The following PLCG1 variants were observed in gnomAD, a reference collection of about 807,000 sequenced individuals.
PLCG1 encodes the protein phospholipase C gamma 1.
In PLCG1, 71 loss-of-function variants were observed where a neutral mutation model predicts 177.8. The ratio of observed to expected loss-of-function variants is 0.40; its 90% CI spans 0.33 to 0.49. The LOEUF is 0.49. Among genes scored for constraint, PLCG1 ranks in the 20% least tolerant of loss-of-function variants. The pLI is 0.72. For missense variants in PLCG1, 1,281 were observed against 1,709.0 expected (o/e 0.75, Z 4.42); for synonymous variants, 658 against 647.9 (o/e 1.02, Z -0.24).
rs888886308 is a variant in PLCG1 at position 41,157,099 on chromosome 20, C to A, written c.218-2507C>A. ...ACAGGAACTTGGGAGCATTGGATGC[C>A]TGGCGTGGAGCTGCGCTATGCTTAC... is the stretch of plus-strand genomic sequence containing the variant. On this transcript the variant is annotated intron_variant, in intron 1 of 31. Coordinates refer to ENST00000685551, the MANE Select transcript of PLCG1 (RefSeq NM_002660.3). The surrounding 1 kb of genome is among the most constrained non-coding windows in gnomAD (Gnocchi z 5.4). Among the ~76,000 whole-genome samples the A allele has an allele frequency of 6.6e-6, 1 of 152,198 alleles. No individual in the cohort carries two copies. The highest frequency in any genetic ancestry group is 1.5e-5 in the Non-Finnish European group (1 of 68,028).
intron 1 of PLCG1, among the ~76,000 whole-genome samples, chr20:41,141,994 GTAT>G: frequency 6.6e-6 from 1 of 152,320 alleles, no homozygotes; most frequent in Middle Eastern, 3.4e-3. Context: ...TTTGCAATAA[GTAT>G]TATTATACCT....
At position 41,156,734 on chromosome 20, in the gene PLCG1, C is replaced by A. The variant is rs1364941956; in HGVS notation, c.218-2872C>A. On this transcript the variant is annotated intron_variant, in intron 1 of 31. Coordinates refer to ENST00000685551, the MANE Select transcript of PLCG1 (RefSeq NM_002660.3). The surrounding 1 kb of genome is among the most constrained non-coding windows in gnomAD (Gnocchi z 5.0). ...TAAGTAGTTCTCCCCTTCTCAAGCT[C>A]CTAAGTTCTGGGAAGGTCTCTTTTC... 6.6e-6 allele frequency among the ~76,000 whole-genome samples: 1 copy of A among 152,168 alleles called. No homozygotes were observed. The highest frequency in any genetic ancestry group is 1.5e-5 in the Non-Finnish European group (1 of 68,028).
At position 41,166,249 on chromosome 20, in the gene PLCG1, C is replaced by T. The variant is rs771177831; in HGVS notation, c.1855C>T (p.Pro619Ser). 6.2e-7 allele frequency: 1 copy of T among 1,614,142 alleles called. No homozygotes were observed. Among genetic ancestry groups the T allele is most frequent in the Non-Finnish European group, 8.5e-7 (1 of 1,180,036 alleles). The part of the protein sequence containing the change: ...RIHSRQDAGT[P>S]KFFLTDNLVF... The stretch of plus-strand genomic sequence containing the variant: ...CCACTCCCGGCAAGATGCTGGGACC[C>T]CCAAGTTCTTCTTGACAGACAACCT... Residue 619 changes from proline to serine, a missense_variant, in exon 17 of 32, where the codon CCC (proline) becomes TCC (serine). Pro to Ser is a moderately conservative substitution (Grantham distance 74, BLOSUM62 -1). Coordinates refer to ENST00000685551, the MANE Select transcript of PLCG1 (RefSeq NM_002660.3). This position sits in a 1 kb window ranked among gnomAD's most constrained non-coding sequence, Gnocchi z 8.6.
Position 41,166,723 on chromosome 20 carries a change from A to G in PLCG1, c.2165A>G (p.Gln722Arg), listed in dbSNP as rs751804006. Residue 722 changes from glutamine to arginine, a missense_variant, in exon 19 of 32, where the codon CAG becomes CGG. By Grantham distance (43) the Gln-to-Arg change is conservative. Transcript: ENST00000685551. This position sits in a 1 kb window ranked among gnomAD's most constrained non-coding sequence, Gnocchi z 8.6. ...IKHCRVQQEGQTVMLGNSEFD... is the reference protein window; with the variant it reads ...IKHCRVQQEGRTVMLGNSEFD... ...CATTGCCGTGTCCAGCAAGAGGGCC[A>G]GACAGTGATGCTAGGGAACTCGGAG... is the stretch of plus-strand genomic sequence containing the variant. 6.2e-7 allele frequency: 1 copy of G among 1,614,198 alleles called. No individual in the cohort carries two copies. Among genetic ancestry groups the G allele is most frequent in the Admixed American group, 1.7e-5 (1 of 60,026 alleles).
intron 24 of PLCG1, among the ~76,000 whole-genome samples, chr20:41,171,781 CCTGT>C (rs2035908728): frequency 6.6e-6 from 1 of 152,044 alleles, no homozygotes; most frequent in African/African-American, 2.4e-5. Context: ...AAGCCAGGGG[CCTGT>C]ATCCCCAGTG....
chr20:41,155,715 A>T (rs1042657376), intron 1 of PLCG1, among the ~76,000 whole-genome samples: 1 of 152,106 alleles, frequency 6.6e-6, no homozygotes, highest in Non-Finnish European at 1.5e-5. Flanking sequence ...ATTTGTCTCC[A>T]CTACTGCCAG....
intron 1 of PLCG1, among the ~76,000 whole-genome samples, chr20:41,138,260 A>G (rs2034678507): frequency 6.6e-6 from 1 of 151,596 alleles, no homozygotes; most frequent in African/African-American, 2.4e-5. Flanking sequence ...GTCCCCGCCC[A>G]CTCTTTATCC....
At position 41,164,130 on chromosome 20, in the gene PLCG1, C is replaced by T; in HGVS notation, c.1146C>T (p.His382=). The T allele has an allele frequency of 6.2e-7, 1 of 1,614,122 alleles. No homozygotes were observed. Among genetic ancestry groups the T allele is most frequent in the Non-Finnish European group, 8.5e-7 (1 of 1,180,006 alleles). Residue 382 remains histidine, a synonymous_variant, in exon 12 of 32, where the codon CAC becomes CAT. Coordinates refer to ENST00000685551, the MANE Select transcript of PLCG1 (RefSeq NM_002660.3). This position sits in a 1 kb window ranked among gnomAD's most constrained non-coding sequence, Gnocchi z 6.4. ...GGATGCCAGTTATTTACCATGGGCA[C>T]ACCCTTACCACCAAGATCAAGTTCT... The part of the protein sequence containing the change: ...PDGMPVIYHG[H]TLTTKIKFSD...
rs560952244 is a variant in PLCG1 at position 41,170,154 on chromosome 20, C to A, written c.2693C>A (p.Ser898Tyr). Reference protein sequence around the residue: ...EGKNNRLFVFSISMASVAHWS... With the variant: ...EGKNNRLFVFYISMASVAHWS... Reference sequence around the variant, plus strand: ...AAGAACAACCGGCTCTTCGTCTTCTCCATCAGCATGGCGTCGGTGGCCCAC... The same window carrying A: ...AAGAACAACCGGCTCTTCGTCTTCTACATCAGCATGGCGTCGGTGGCCCAC... Residue 898 changes from serine to tyrosine, a missense_variant, in exon 24 of 32, where the codon TCC becomes TAC. Ser to Tyr is a moderately radical substitution (Grantham distance 144). Coordinates refer to ENST00000685551, the MANE Select transcript of PLCG1 (RefSeq NM_002660.3). 1.2e-6 allele frequency: 2 copies of A among 1,614,008 alleles called. No individual in the cohort carries two copies. The highest frequency in any genetic ancestry group is 2.7e-5 in the African/African-American group (2 of 75,048).
At position 41,172,246 on chromosome 20, in the gene PLCG1, T is replaced by C. The variant is rs1201271640; in HGVS notation, c.2862T>C (p.Ser954=). ...ERRKKIALEL[S]ELVVYCRPVP... ...GGAAGAAGATTGCCCTGGAGCTCTC[T>C]GAACTTGTCGTCTACTGCCGGCCTG... Residue 954 remains serine, a synonymous_variant, in exon 25 of 32, where the codon TCT becomes TCC. Transcript: ENST00000685551. This position sits in a 1 kb window ranked among gnomAD's most constrained non-coding sequence, Gnocchi z 7.0. 6.8e-6 allele frequency: 11 copies of C among 1,614,048 alleles called. No individual in the cohort carries two copies. In the East Asian group the frequency reaches 2.5e-4, roughly 36 times the overall value.
In PLCG1 at chr20:41,144,527, G is replaced by A. The variant is rs2034936813; in HGVS notation, c.217+6669G>A. Among the ~76,000 whole-genome samples the A allele has an allele frequency of 6.6e-6, 1 of 152,154 alleles. No individual in the cohort carries two copies. Among genetic ancestry groups the A allele is most frequent in the Admixed American group, 6.5e-5 (1 of 15,280 alleles). ...CCCACACTCCTACATGGGGGTGAATGTAGCCGCTGATTGGGGGTGGGACAC... is the reference window on the plus strand; with the variant it reads ...CCCACACTCCTACATGGGGGTGAATATAGCCGCTGATTGGGGGTGGGACAC... On this transcript the variant is annotated intron_variant, in intron 1 of 31. Coordinates refer to ENST00000685551, the MANE Select transcript of PLCG1 (RefSeq NM_002660.3). This position sits in a 1 kb window ranked among gnomAD's most constrained non-coding sequence, Gnocchi z 4.1.
At chr20:41,140,340 G>C (rs2034781289) in intron 1 of PLCG1, among the ~76,000 whole-genome samples, 2 of 152,332 alleles carry the variant, frequency 1.3e-5, no homozygotes, top group East Asian at 3.9e-4. Flanking sequence ...GGCTCTCCTT[G>C]TTGGTGGGTT....
chr20:41,142,965 C>T (rs1411888510), intron 1 of PLCG1, among the ~76,000 whole-genome samples: 1 of 152,154 alleles, frequency 6.6e-6, no homozygotes, highest in Non-Finnish European at 1.5e-5. Context: ...GGCCACCAAG[C>T]CCTTTGATTC....
rs759335016 is a variant in PLCG1, at chr20:41,173,950, A to C, written c.3584A>C (p.Asn1195Thr). The part of the protein sequence containing the change: ...TGYRAVPLKN[N>T]YSEDLELASL... The stretch of plus-strand genomic sequence containing the variant: ...TACAGAGCAGTGCCTTTGAAGAACA[A>C]CTACAGTGAGGACCTGGAGTTGGCC... The change falls in exon 30 of 32, where the codon AAC becomes ACC. Residue 1195 changes from asparagine (N) to threonine (T), a missense_variant. Asn to Thr is a moderately conservative substitution (Grantham distance 65). This residue lies in a region of PLCG1 where 153 missense variants were observed against 153.2 expected (regional missense o/e 1.00). Transcript: ENST00000685551. This position sits in a 1 kb window ranked among gnomAD's most constrained non-coding sequence, Gnocchi z 6.2. The C allele has an allele frequency of 1.2e-6, 2 of 1,614,136 alleles. No individual in the cohort carries two copies. Among genetic ancestry groups the C allele is most frequent in the Admixed American group, 3.3e-5 (2 of 60,030 alleles).
intron 1 of PLCG1, among the ~76,000 whole-genome samples, chr20:41,140,540 A>C (rs908233591): frequency 1.3e-5 from 2 of 152,224 alleles, no homozygotes; most frequent in Non-Finnish European, 1.5e-5. Flanking sequence ...AGGGAGAGAC[A>C]GTGTGGTTTA....
In PLCG1 at chr20:41,163,226, G is replaced by A. The variant is rs1377562374; in HGVS notation, c.740G>A (p.Cys247Tyr). 1 of 1,547,892 alleles carries A rather than the reference G, an allele frequency of 6.5e-7. No homozygotes were observed. The highest frequency in any genetic ancestry group is 8.7e-7 in the Non-Finnish European group (1 of 1,149,592). ...AGGGCTGGGGAGCGGCCGGAGCTTT[G>A]CCGAGTGTCCCTTCCTGAGTTCCAG... Reference protein sequence around the residue: ...TLRAGERPELCRVSLPEFQQF... With the variant: ...TLRAGERPELYRVSLPEFQQF... The change falls in exon 8 of 32, where the codon TGC becomes TAC. Residue 247 changes from cysteine to tyrosine, a missense_variant. By Grantham distance (194) the Cys-to-Tyr change is radical. Coordinates refer to ENST00000685551, the MANE Select transcript of PLCG1 (RefSeq NM_002660.3). The surrounding 1 kb of genome is among the most constrained non-coding windows in gnomAD (Gnocchi z 5.2).
chr20:41,165,035 G>A lies in PLCG1; in HGVS notation c.1320G>A (p.Lys440=), dbSNP rs144474151. Residue 440 remains lysine (K), a synonymous_variant, in exon 13 of 32, where the codon AAG becomes AAA. Transcript: ENST00000685551. The surrounding 1 kb of genome is among the most constrained non-coding windows in gnomAD (Gnocchi z 6.6). Reference sequence around the variant, plus strand: ...TGCTGGGGGACACACTCCTCACCAAGCCCGTGGAGATCTCTGCCGACGGGC... The same window carrying A: ...TGCTGGGGGACACACTCCTCACCAAACCCGTGGAGATCTCTGCCGACGGGC... ...KKVLGDTLLT[K]PVEISADGLP... is the part of the protein sequence containing the mutation. 7.4e-6 allele frequency: 12 copies of A among 1,614,202 alleles called. No homozygotes were observed. The highest frequency in any genetic ancestry group is 8.5e-6 in the Non-Finnish European group (10 of 1,180,046).
Position 41,172,485 on chromosome 20 carries a change from A to G in PLCG1, c.2970A>G (p.Lys990=), listed in dbSNP as rs755608533. The part of the protein sequence containing the change: ...MSSFPETKAE[K]YVNKAKGKKF... ...CCTTCCCGGAAACCAAGGCTGAGAAATACGTGAACAAGGCCAAAGGCAAGA... is the reference window on the plus strand; with the variant it reads ...CCTTCCCGGAAACCAAGGCTGAGAAGTACGTGAACAAGGCCAAAGGCAAGA... Residue 990 remains lysine (K), a synonymous_variant, in exon 26 of 32, where the codon AAA becomes AAG. Coordinates refer to ENST00000685551, the MANE Select transcript of PLCG1 (RefSeq NM_002660.3). This position sits in a 1 kb window ranked among gnomAD's most constrained non-coding sequence, Gnocchi z 7.0. The G allele has an allele frequency of 1.2e-6, 2 of 1,614,220 alleles. No homozygotes were observed. The highest frequency in any genetic ancestry group is 1.7e-6 in the Non-Finnish European group (2 of 1,180,024).
At position 41,148,347 on chromosome 20, in the gene PLCG1, G is replaced by A. The variant is rs375485071; in HGVS notation, c.217+10489G>A. Among the ~76,000 whole-genome samples the A allele has an allele frequency of 5.0e-4, 76 of 152,266 alleles. 1 individual carries two copies. The highest frequency in any genetic ancestry group is 4.8e-3 in the East Asian group (25 of 5,188). On this transcript the variant is annotated intron_variant, in intron 1 of 31. Coordinates refer to ENST00000685551, the MANE Select transcript of PLCG1 (RefSeq NM_002660.3). This position sits in a 1 kb window ranked among gnomAD's most constrained non-coding sequence, Gnocchi z 4.3. ...CACTTGTCTCCCTACCTCAGCCCCTGTTGCTCTGACGCTTCCCCCACCACT... is the reference window on the plus strand; with the variant it reads ...CACTTGTCTCCCTACCTCAGCCCCTATTGCTCTGACGCTTCCCCCACCACT...
Sources: allele counts gnomAD v4.1 joint callset (sites outside exome capture counted in the v4.1 genomes callset), GRCh38; gene constraint gnomAD v4.1.1; regional missense constraint gnomAD v4.1.1; non-coding constraint Gnocchi (gnomAD v3.1); transcripts MANE v1.5; gene names NCBI Gene and HGNC (gene_info 2026-07-23, HGNC 2026-07-21).